PLAC1: variants seen among roughly 807,000 people sequenced by gnomAD.
PLAC1 encodes the protein placenta associated 1, also known as placenta-specific protein 1.
For missense variants in PLAC1, 136 were observed against 163.2 expected (o/e 0.83, Z 0.91); for synonymous variants, 68 against 62.1 (o/e 1.09, Z -0.44).
At chrX:134,649,302 C>T (rs2078350444) in intron 1 of PLAC1, among the ~76,000 whole-genome samples, 1 of 108,883 alleles carries the variant, frequency 9.2e-6, no homozygotes, top group South Asian at 4.0e-4. Flanking sequence ...AATGAATACT[C>T]AAAACTCATC....
At chrX:134,758,084 C>T (rs1304811216) in intron 1 of PLAC1, among the ~76,000 whole-genome samples, 1 of 110,171 alleles carries the variant, frequency 9.1e-6, no homozygotes, top group African/African-American at 3.3e-5. Flanking sequence ...GTAGGAATAA[C>T]TTCAAACAAG....
In PLAC1 at chrX:134,566,086, C is replaced by T. The variant is rs1405165424; in HGVS notation, c.597G>A (p.Glu199=). Residue 199 remains glutamate, a synonymous_variant, in exon 3 of 3, where the codon GAG becomes GAA. Transcript: ENST00000359237. ...TATCATCTGTGTGAAGAGACCAATCCTCAGAAATATCAAGAAAGTGAGATG... is the reference window on the plus strand; with the variant it reads ...TATCATCTGTGTGAAGAGACCAATCTTCAGAAATATCAAGAAAGTGAGATG... ...LQPSHFLDIS[E]DWSLHTDDMI... is the part of the protein sequence containing the mutation. The T allele has an allele frequency of 7.4e-6, 9 of 1,208,626 alleles. No homozygotes were observed. The highest frequency in any genetic ancestry group is 1.0e-5 in the Non-Finnish European group (9 of 894,041).
chrX:134,684,574 T>G (rs753743212), intron 2 of PLAC1, among the ~76,000 whole-genome samples: 2 of 111,726 alleles, frequency 1.8e-5, no homozygotes, highest in Non-Finnish European at 3.8e-5. Context: ...AAGTACAGTT[T>G]TTTTTCTTGC....
chrX:134,617,429 A>G (rs1238191916), intron 1 of PLAC1, among the ~76,000 whole-genome samples: 2 of 112,180 alleles, frequency 1.8e-5, no homozygotes, highest in Non-Finnish European at 3.8e-5. Context: ...AAAAGCTTCC[A>G]GTTTTTCCCC....
At chrX:134,728,294 C>T (rs775519420) in intron 2 of PLAC1, among the ~76,000 whole-genome samples, 12 of 111,924 alleles carry the variant, frequency 1.1e-4, no homozygotes. Flanking sequence ...AAAAGCACCA[C>T]CAACTCCAAG....
intron 2 of PLAC1, chrX:134,601,843 G>C (rs1414415605): frequency 8.9e-6 from 1 of 112,083 alleles, no homozygotes; most frequent in Non-Finnish European, 1.9e-5. Flanking sequence ...GCAAACAATA[G>C]AGGTTCCATT....
chrX:134,752,418 G>GACA (rs1052474334), intron 1 of PLAC1, among the ~76,000 whole-genome samples: 14 of 111,575 alleles, frequency 1.3e-4, no homozygotes, highest in Admixed American at 4.8e-4. Flanking sequence ...AAGTTGACAG[G>GACA]ACAACACTTT....
At chrX:134,723,920 C>T (rs1330675965) in intron 2 of PLAC1, among the ~76,000 whole-genome samples, 1 of 109,581 alleles carries the variant, frequency 9.1e-6, no homozygotes, top group Non-Finnish European at 1.9e-5. Context: ...CCAGGGAGTG[C>T]TAAGAATGGC....
intron 2 of PLAC1, among the ~76,000 whole-genome samples, chrX:134,697,174 T>G (rs6654676): frequency 1.8e-5 from 2 of 111,475 alleles, no homozygotes; most frequent in African/African-American, 6.5e-5. Flanking sequence ...AGAGACAACA[T>G]ATCTCCCTGT....
rs776884314 is a variant in PLAC1 at position 134,680,640 on chromosome X, G to C, written n.174+52795C>G. Among the ~76,000 whole-genome samples, 6 of 108,917 alleles carry C rather than the reference G, an allele frequency of 5.5e-5. No homozygotes were observed. The East Asian group carries it at 1.7e-3, about 31-fold the overall frequency. 94.6% of individuals were successfully genotyped at this position (108,917 alleles called of 115,157 possible). A position where few individuals can be genotyped will look rare whatever the true frequency, so the allele number is the denominator to read the frequency against. On this transcript the variant is annotated intron_variant and non_coding_transcript_variant, in intron 2 of 2. Transcript: ENST00000466797. ...CTTCCCTGATCCCTTCGTCACTTGT[G>C]TGTAGCCTCTTGAGAACATTACCCA...
At chrX:134,733,076 T>A (rs1045162486) in intron 2 of PLAC1, among the ~76,000 whole-genome samples, 5 of 111,197 alleles carry the variant, frequency 4.5e-5, no homozygotes, top group Non-Finnish European at 9.4e-5. Context: ...ACACACCCCC[T>A]CATACACAAG....
chrX:134,609,574 G>A (rs1233498515), intron 1 of PLAC1, among the ~76,000 whole-genome samples: 1 of 112,149 alleles, frequency 8.9e-6, no homozygotes, highest in Non-Finnish European at 1.9e-5. Context: ...GAAGTAAATG[G>A]CCAGTGTCTT....
chrX:134,664,079 C>T (rs932110325), intron 2 of PLAC1, among the ~76,000 whole-genome samples: 5 of 111,823 alleles, frequency 4.5e-5, no homozygotes, highest in Admixed American at 3.8e-4. Context: ...GTGAATGCAT[C>T]CTTGCTTTCT....
intron 1 of PLAC1, among the ~76,000 whole-genome samples, chrX:134,609,265 T>C (rs2078140857): frequency 9.0e-6 from 1 of 111,250 alleles, no homozygotes; most frequent in African/African-American, 3.3e-5. Flanking sequence ...TTATATCTGT[T>C]CATAGCTCCT....
At chrX:134,587,498 T>C (rs981527782) in intron 2 of PLAC1, among the ~76,000 whole-genome samples, 1 of 111,008 alleles carries the variant, frequency 9.0e-6, no homozygotes, top group African/African-American at 3.3e-5. Context: ...GGAGGATCGC[T>C]TGAGCCTGGG....
Position 134,745,315 on chromosome X carries a change from C to T in PLAC1, n.90-11796G>A, listed in dbSNP as rs1026176743. Among the ~76,000 whole-genome samples, 4 of 111,703 alleles carry T rather than the reference C, an allele frequency of 3.6e-5. No individual in the cohort carries two copies. In the South Asian group the frequency reaches 1.1e-3, roughly 32 times the overall value. The stretch of plus-strand genomic sequence containing the variant: ...CATCTGTCATTGATATGAATTTAGT[C>T]ATATGCCCATTCCCAAGCCAATCCT... On this transcript the variant is annotated intron_variant and non_coding_transcript_variant, in intron 1 of 2. Transcript: ENST00000466797.
intron 2 of PLAC1, among the ~76,000 whole-genome samples, chrX:134,722,588 T>G (rs1227881599): frequency 2.7e-5 from 3 of 111,819 alleles, no homozygotes; most frequent in African/African-American, 9.8e-5. Context: ...GAAAATATTC[T>G]GGAATTGAAT....
intron 2 of PLAC1, among the ~76,000 whole-genome samples, chrX:134,731,951 G>T (rs1020599795): frequency 4.5e-5 from 5 of 111,552 alleles, no homozygotes; most frequent in African/African-American, 1.6e-4. Context: ...AGCCCAGGAG[G>T]TCGAGGCTGC....
intron 1 of PLAC1, among the ~76,000 whole-genome samples, chrX:134,752,210 T>G (rs2078746359): frequency 9.0e-6 from 1 of 111,251 alleles, no homozygotes; most frequent in South Asian, 3.7e-4. Flanking sequence ...CTCAGGATGA[T>G]ATAGAAGTTC....
Sources: allele counts gnomAD v4.1 joint callset (sites outside exome capture counted in the v4.1 genomes callset), GRCh38; gene constraint gnomAD v4.1.1; transcripts MANE v1.5; gene names NCBI Gene and HGNC (gene_info 2026-07-23, HGNC 2026-07-21).